Variants in USP38 observed in about 807,000 individuals in gnomAD.
USP38 encodes the protein ubiquitin specific peptidase 38.
USP38 carries 49 observed loss-of-function variants against 94.3 expected under a neutral mutation model. That is an observed-to-expected ratio of 0.52 (90% CI 0.41 to 0.66). The LOEUF is 0.66. Among genes scored for constraint, USP38 ranks in the 30% least tolerant of loss-of-function variants. The pLI is 0.00. For missense variants in USP38, 1,128 were observed against 1,229.4 expected, an observed-to-expected ratio of 0.92 and a Z score of 1.23; for synonymous variants, 468 against 463.6, an observed-to-expected ratio of 1.01 and a Z score of -0.12.
intron 1 of USP38, 139 bp downstream of exon 1, chr4:143,186,271 T>G: frequency 3.7e-6 from 3 of 816,228 alleles, no homozygotes; most frequent in South Asian, 1.8e-5. Flanking sequence ...CATCCCAAAT[T>G]TATTCACATT....
intron 6 of USP38, among the ~76,000 whole-genome samples, chr4:143,208,928 C>G (rs950686546): frequency 6.8e-6 from 1 of 147,342 alleles, no homozygotes; most frequent in Non-Finnish European, 1.5e-5. Context: ...GGTGTATAAT[C>G]TTATGTAACT....
rs1473550815 is a variant in USP38 at position 143,185,556 on chromosome 4, G to T, written c.106G>T (p.Ala36Ser). The part of the protein sequence containing the change: ...VESAEHWLDE[A>S]QCEAMFDLTT... ...ATCGGCGGAGCACTGGCTAGACGAG[G>T]CGCAGTGCGAGGCCATGTTTGACCT... The change falls in exon 1 of 10, where the codon GCG (alanine) becomes TCG (serine). Residue 36 changes from alanine to serine, a missense_variant. Ala to Ser is a moderately conservative substitution (Grantham distance 99). Transcript: ENST00000307017. 6.2e-7 allele frequency: 1 copy of T among 1,614,026 alleles called. No homozygotes were observed. The highest frequency in any genetic ancestry group is 8.5e-7 in the Non-Finnish European group (1 of 1,180,030).
chr4:143,220,287 A>C lies in USP38; in HGVS notation c.2968-8A>C, dbSNP rs1278011402. ...TTTTAATTTCATAAAAGTTATTTTT[A>C]ATTTTAGGAACAAGAGTTGAATGCT... On this transcript the variant is annotated splice_polypyrimidine_tract_variant and splice_region_variant and intron_variant, in intron 9 of 9. Coordinates refer to ENST00000307017, the MANE Select transcript of USP38 (RefSeq NM_032557.6). 1 of 1,600,238 alleles carries C rather than the reference A, an allele frequency of 6.2e-7. No individual in the cohort carries two copies. The highest frequency in any genetic ancestry group is 8.5e-7 in the Non-Finnish European group (1 of 1,175,066).
Position 143,186,943 on chromosome 4 carries a change from T to C in USP38, c.682+811T>C, listed in dbSNP as rs368267292. On this transcript the variant is annotated intron_variant, in intron 1 of 9. Transcript: ENST00000307017. ...AGTGGGGACTGTGTGGCTGTTCAAA[T>C]TGAACTTGTGAGGGATGTGTCCTCT... is the stretch of plus-strand genomic sequence containing the variant. 8.5e-5 allele frequency among the ~76,000 whole-genome samples: 13 copies of C among 152,220 alleles called. No homozygotes were observed. In the East Asian group the frequency reaches 2.3e-3, roughly 27 times the overall value.
intron 6 of USP38, among the ~76,000 whole-genome samples, chr4:143,208,696 A>G (rs1368314907): frequency 6.6e-6 from 1 of 151,430 alleles, no homozygotes; most frequent in Non-Finnish European, 1.5e-5. Flanking sequence ...TATACTCTGG[A>G]TAATCATCCT....
chr4:143,192,550 C>CT (rs35416730), intron 2 of USP38, among the ~76,000 whole-genome samples: 3,284 of 103,382 alleles, frequency 0.032, 148 homozygotes, highest in African/African-American at 0.052. Context: ...TCCCATATTA[C>CT]TTTTTTTTTT....
chr4:143,188,985 A>G (rs1024529488), intron 2 of USP38, among the ~76,000 whole-genome samples: 5 of 152,084 alleles, frequency 3.3e-5, no homozygotes, highest in African/African-American at 9.7e-5. Flanking sequence ...ATTAAATATG[A>G]TAAGTAAAAT....
At chr4:143,186,861 A>G (rs1422408235) in intron 1 of USP38, among the ~76,000 whole-genome samples, 2 of 152,308 alleles carry the variant, frequency 1.3e-5, no homozygotes, top group East Asian at 1.9e-4. Context: ...AATAGATTCA[A>G]AATCATGTTC....
intron 2 of USP38, among the ~76,000 whole-genome samples, chr4:143,193,299 T>G (rs1447042751): frequency 6.6e-6 from 1 of 152,210 alleles, no homozygotes; most frequent in Non-Finnish European, 1.5e-5. Flanking sequence ...TACATCTATC[T>G]TATTATTTAA....
At position 143,214,313 on chromosome 4, in the gene USP38, A is replaced by C; in HGVS notation, c.2337A>C (p.Lys779Asn). The C allele has an allele frequency of 6.2e-7, 1 of 1,612,714 alleles. No individual in the cohort carries two copies. Among genetic ancestry groups the C allele is most frequent in the Non-Finnish European group, 8.5e-7 (1 of 1,179,590 alleles). The change falls in exon 9 of 10, where the codon AAA (lysine) becomes AAC (asparagine). Residue 779 changes from lysine (K) to asparagine (N), a missense_variant. Physicochemically the swap from Lys to Asn is moderately conservative, Grantham distance 94. Coordinates refer to ENST00000307017, the MANE Select transcript of USP38 (RefSeq NM_032557.6). Reference protein sequence around the residue: ...SYDQKYHVRRKILDNVSLPLV... With the variant: ...SYDQKYHVRRNILDNVSLPLV... ...ATCAGAAGTATCATGTGAGAAGGAA[A>C]ATTTTAGACAATGTATCACTGCCAC...
intron 2 of USP38, among the ~76,000 whole-genome samples, chr4:143,192,421 C>G (rs1731422111): frequency 6.6e-6 from 1 of 152,220 alleles, no homozygotes; most frequent in Admixed American, 6.5e-5. Flanking sequence ...GCCTTGGCCT[C>G]CCAGAGTGCT....
chr4:143,198,835 T>TTA (rs1361422303), intron 4 of USP38, among the ~76,000 whole-genome samples: 1 of 152,126 alleles, frequency 6.6e-6, no homozygotes, highest in East Asian at 1.9e-4. Context: ...AGCAGTAACC[T>TTA]TATATATATG....
intron 4 of USP38, among the ~76,000 whole-genome samples, chr4:143,202,092 G>A (rs1228031640): frequency 1.3e-5 from 2 of 151,380 alleles, no homozygotes; most frequent in African/African-American, 2.5e-5. Flanking sequence ...AATAATTTTG[G>A]ATTTCTGACT....
Position 143,213,881 on chromosome 4 carries a change from A to G in USP38, c.1905A>G (p.Ala635=). ...SLENMSVQDP[A]SSPSIQDGGL... is the part of the protein sequence containing the mutation. ...AAAACATGTCTGTCCAAGATCCAGC[A>G]TCATCACCCAGTATACAAGATGGTG... Residue 635 remains alanine, a synonymous_variant, in exon 9 of 10, where the codon GCA becomes GCG. Coordinates refer to ENST00000307017, the MANE Select transcript of USP38 (RefSeq NM_032557.6). 1 of 1,613,862 alleles carries G rather than the reference A, an allele frequency of 6.2e-7. No homozygotes were observed. Among genetic ancestry groups the G allele is most frequent in the Non-Finnish European group, 8.5e-7 (1 of 1,179,830 alleles).
chr4:143,221,353 G>C lies in USP38; in HGVS notation c.*897G>C, dbSNP rs1375908484. On this transcript the variant is annotated 3_prime_UTR_variant, in exon 10 of 10. Coordinates refer to ENST00000307017, the MANE Select transcript of USP38 (RefSeq NM_032557.6). Reference sequence around the variant, plus strand: ...AATAGATTTTCCAGAAGTAAAATCTGATGGTTCTAAATCAATCAATGTGAT... The same window carrying C: ...AATAGATTTTCCAGAAGTAAAATCTCATGGTTCTAAATCAATCAATGTGAT... 6.6e-6 allele frequency: 1 copy of C among 152,480 alleles called. No homozygotes were observed. The highest frequency in any genetic ancestry group is 1.5e-5 in the Non-Finnish European group (1 of 67,970). 9.4% of individuals were successfully genotyped at this position (152,480 alleles called of 1,614,324 possible).
At chr4:143,209,502 A>G (rs78950140) in intron 6 of USP38, 62 bp from the exon 7 acceptor site, 3 of 1,015,290 alleles carry the variant, frequency 3.0e-6, no homozygotes, top group Non-Finnish European at 4.2e-6. Context: ...AAAAAAAAAA[A>G]GCTTTTAATA....
At chr4:143,212,804 C>T (rs1561246922) in intron 8 of USP38, among the ~76,000 whole-genome samples, 1 of 152,072 alleles carries the variant, frequency 6.6e-6, no homozygotes, top group Non-Finnish European at 1.5e-5. Flanking sequence ...TTCTGTTAAG[C>T]CAGATACTTA....
rs544255997 is a variant in USP38, at chr4:143,194,665, G to T, written c.819-1051G>T. Among the ~76,000 whole-genome samples the T allele has an allele frequency of 1.4e-3, 210 of 152,278 alleles. 1 individual carries two copies. The highest frequency in any genetic ancestry group is 2.2e-3 in the Non-Finnish European group (151 of 68,016). Reference sequence around the variant, plus strand: ...TGGGATTACAGGCACGTGCCGCCATGCCTGGCTAATTTTTGTATTTTTAGT... The same window carrying T: ...TGGGATTACAGGCACGTGCCGCCATTCCTGGCTAATTTTTGTATTTTTAGT... On this transcript the variant is annotated intron_variant, in intron 2 of 9. Coordinates refer to ENST00000307017, the MANE Select transcript of USP38 (RefSeq NM_032557.6).
At chr4:143,211,251 A>G (rs1296961187) in intron 7 of USP38, among the ~76,000 whole-genome samples, 1 of 152,188 alleles carries the variant, frequency 6.6e-6, no homozygotes, top group Non-Finnish European at 1.5e-5. Context: ...AGCCTGACAG[A>G]GATTATTTTA....
Sources: allele counts gnomAD v4.1 joint callset (sites outside exome capture counted in the v4.1 genomes callset), GRCh38; gene constraint gnomAD v4.1.1; transcripts MANE v1.5; gene names NCBI Gene and HGNC (gene_info 2026-07-23, HGNC 2026-07-21).